The following SUGCT variants were observed in gnomAD, a reference collection of about 807,000 sequenced individuals.
SUGCT encodes succinyl-CoA:glutarate-CoA transferase.
Under a neutral mutation model 55.0 loss-of-function variants are expected in SUGCT, and 41 were observed. The ratio of observed to expected loss-of-function variants is 0.74; its 90% confidence interval spans 0.58 to 0.97. The LOEUF is 0.97. Ranked by LOEUF, SUGCT falls within the 50% of genes least tolerant of loss-of-function variation. SUGCT has a pLI of 0.00. For synonymous variants in SUGCT, 187 were observed against 200.4 expected, an observed-to-expected ratio of 0.93 and a Z score of 0.56; for missense variants, 568 against 547.8, an observed-to-expected ratio of 1.04 and a Z score of -0.37.
chr7:40,862,336 G>A (rs948628034), downstream of SUGCT, among the ~76,000 whole-genome samples: 1 of 152,136 alleles, frequency 6.6e-6, no homozygotes, highest in Non-Finnish European at 1.5e-5. Flanking sequence ...AAGTCAAAAT[G>A]ATCCAGGATT....
At chr7:40,260,640 CTTTTGTTTTG>C (rs372937692) in intron 7 of SUGCT, among the ~76,000 whole-genome samples, 8 of 152,040 alleles carry the variant, frequency 5.3e-5, no homozygotes, top group South Asian at 2.1e-4. Flanking sequence ...GATTAAAAAG[CTTTTGTTTTG>C]TTTTGTTTTG....
chr7:40,861,378 T>C (rs532040320), downstream of SUGCT, among the ~76,000 whole-genome samples: 11 of 152,310 alleles, frequency 7.2e-5, no homozygotes, highest in African/African-American at 2.6e-4. Flanking sequence ...GATCATGCCT[T>C]AGCATTGAGT....
chr7:40,411,662 A>G (rs1180127668), intron 9 of SUGCT, among the ~76,000 whole-genome samples: 1 of 152,178 alleles, frequency 6.6e-6, no homozygotes, highest in Non-Finnish European at 1.5e-5. Flanking sequence ...TAATGGGTAC[A>G]ACTATACAGT....
intron 7 of SUGCT, among the ~76,000 whole-genome samples, chr7:40,256,531 A>G (rs1375332338): frequency 2.0e-5 from 3 of 152,196 alleles, no homozygotes; most frequent in Non-Finnish European, 4.4e-5. Flanking sequence ...TCTCATCTAA[A>G]TAATTTTACA....
At chr7:40,743,111 G>A (rs889136895) in intron 12 of SUGCT, among the ~76,000 whole-genome samples, 5 of 152,026 alleles carry the variant, frequency 3.3e-5, no homozygotes, top group African/African-American at 9.7e-5. Flanking sequence ...AGAGCTTCTC[G>A]GCATGGCCTC....
At chr7:40,329,496 G>A (rs993240004) in intron 9 of SUGCT, among the ~76,000 whole-genome samples, 5 of 152,068 alleles carry the variant, frequency 3.3e-5, no homozygotes, top group African/African-American at 9.7e-5. Flanking sequence ...AATTCATTTG[G>A]CCTATTTTTC....
intron 13 of SUGCT, among the ~76,000 whole-genome samples, chr7:40,807,202 A>G (rs968189379): frequency 6.6e-6 from 1 of 152,194 alleles, no homozygotes; most frequent in Non-Finnish European, 1.5e-5. Context: ...TACATTTTTC[A>G]GAGAACATTT....
chr7:40,873,807 G>A, the SUGCT span, among the ~76,000 whole-genome samples: 13 of 152,322 alleles, frequency 8.5e-5, 1 homozygote, highest in South Asian at 2.7e-3. Flanking sequence ...ACCAAGGTTG[G>A]GAGGTAAGAC....
At chr7:40,208,195 C>T (rs11768838) in intron 6 of SUGCT, among the ~76,000 whole-genome samples, 58,781 of 151,866 alleles carry the variant, frequency 0.39, 12,778 homozygotes, top group Middle Eastern at 0.59. Flanking sequence ...AGGAGAGACT[C>T]GGGAGTTAGT....
intron 12 of SUGCT, among the ~76,000 whole-genome samples, chr7:40,681,996 T>A (rs1393996393): frequency 6.6e-6 from 1 of 152,142 alleles, no homozygotes; most frequent in Non-Finnish European, 1.5e-5. Context: ...ATATCTTGAG[T>A]TTCTATAGAG....
the SUGCT span, among the ~76,000 whole-genome samples, chr7:40,936,838 A>T: frequency 6.6e-6 from 1 of 151,758 alleles, no homozygotes; most frequent in Non-Finnish European, 1.5e-5. Context: ...AGTTTTTCTT[A>T]TGATTTCTTT....
intron 12 of SUGCT, among the ~76,000 whole-genome samples, chr7:40,739,002 C>T (rs1332771894): frequency 6.6e-6 from 1 of 152,084 alleles, no homozygotes; most frequent in Non-Finnish European, 1.5e-5. Context: ...ACATTATACC[C>T]ACAGGAGACC....
the SUGCT span, among the ~76,000 whole-genome samples, chr7:40,953,980 G>T: frequency 3.3e-5 from 5 of 152,230 alleles, no homozygotes; most frequent in Non-Finnish European, 7.3e-5. Flanking sequence ...CTTCAAAGCT[G>T]TCAGACAGGG....
intron 12 of SUGCT, among the ~76,000 whole-genome samples, chr7:40,633,998 C>T (rs1034261784): frequency 6.6e-5 from 10 of 152,008 alleles, no homozygotes; most frequent in Non-Finnish European, 1.2e-4. Flanking sequence ...ATATAGGGAT[C>T]GTCATGCTAA....
chr7:40,325,754 T>C (rs1031054581), intron 9 of SUGCT, among the ~76,000 whole-genome samples: 10 of 152,122 alleles, frequency 6.6e-5, no homozygotes, highest in Non-Finnish European at 1.3e-4. Flanking sequence ...TGCAGTGAGC[T>C]GCGATTGCAC....
At chr7:41,005,012 C>A in the SUGCT span, among the ~76,000 whole-genome samples, 2 of 152,174 alleles carry the variant, frequency 1.3e-5, no homozygotes, top group Admixed American at 1.3e-4. Flanking sequence ...TGAGCATTTG[C>A]CCAAAAAATG....
intron 9 of SUGCT, among the ~76,000 whole-genome samples, chr7:40,381,433 A>G (rs1239121842): frequency 6.7e-6 from 1 of 149,060 alleles, no homozygotes; most frequent in Non-Finnish European, 1.5e-5. Context: ...ATTATTATGA[A>G]ACTTTTATAA....
At chr7:40,393,913 TG>T (rs1562743517) in intron 9 of SUGCT, among the ~76,000 whole-genome samples, 1 of 152,174 alleles carries the variant, frequency 6.6e-6, no homozygotes, top group Non-Finnish European at 1.5e-5. Flanking sequence ...AGTAAGAGAT[TG>T]TACTGGTTTC....
intron 9 of SUGCT, among the ~76,000 whole-genome samples, chr7:40,379,170 A>G (rs1202289443): frequency 6.6e-6 from 1 of 152,190 alleles, no homozygotes; most frequent in Non-Finnish European, 1.5e-5. Flanking sequence ...AAGGAACTGA[A>G]TCTGTCCTAT....
Sources: gnomAD v4.1 joint callset for allele counts (sites outside exome capture counted in the v4.1 genomes callset) on GRCh38, gnomAD v4.1.1 for gene constraint, MANE v1.5 for transcripts, NCBI Gene and HGNC (gene_info 2026-07-23, HGNC 2026-07-21) for gene names.